SEMA5A: variants seen among roughly 807,000 people sequenced by gnomAD.
The protein encoded by SEMA5A is semaphorin 5A.
Under a neutral mutation model 135.5 loss-of-function variants are expected in SEMA5A, and 55 were observed. That is an observed-to-expected ratio of 0.41 (90% confidence interval 0.33 to 0.51). SEMA5A has a LOEUF of 0.51. SEMA5A is among the 20% of genes least tolerant of loss of function. The pLI is 0.37. For missense variants in SEMA5A, 1,290 were observed against 1,419.9 expected (o/e 0.91, Z 1.47); for synonymous variants, 580 against 546.5 (o/e 1.06, Z -0.85).
Position 9,362,151 on chromosome 5 carries a change from T to C in SEMA5A, c.124+17672A>G, listed in dbSNP as rs935494678. On this transcript the variant is annotated intron_variant, in intron 3 of 22. Transcript: ENST00000382496. ...TCCTTTTGCAGGTAGAACAGCTCAC[T>C]GTAGCTTCCGGATTCAGTTTCTGGC... 2.0e-5 allele frequency among the ~76,000 whole-genome samples: 3 copies of C among 152,136 alleles called. No individual in the cohort carries two copies. The South Asian group carries it at 6.2e-4, about 32-fold the overall frequency.
At position 9,341,380 on chromosome 5, in the gene SEMA5A, T is replaced by C. The variant is rs374153050; in HGVS notation, c.125-3568A>G. ...GTCATCAATACTGCTTTCTAAGGAA[T>C]CAGAAAATGAACAGTTTTGGAAATA... On this transcript the variant is annotated intron_variant, in intron 3 of 22. Coordinates refer to ENST00000382496, the MANE Select transcript of SEMA5A (RefSeq NM_003966.3). Among the ~76,000 whole-genome samples the C allele has an allele frequency of 7.2e-5, 11 of 151,958 alleles. No homozygotes were observed. The East Asian group carries it at 1.2e-3, about 16-fold the overall frequency.
intron 1 of SEMA5A, among the ~76,000 whole-genome samples, chr5:9,482,820 A>G (rs1759926442): frequency 1.3e-5 from 2 of 152,210 alleles, no homozygotes; most frequent in Non-Finnish European, 2.9e-5. Context: ...TTCTTTTGAC[A>G]GGCGATTTGT....
At chr5:9,147,724 C>CAAAA (rs59966819) in intron 12 of SEMA5A, among the ~76,000 whole-genome samples, 8 of 102,488 alleles carry the variant, frequency 7.8e-5, no homozygotes, top group Non-Finnish European at 1.3e-4. Flanking sequence ...TAAAACAAAC[C>CAAAA]AAAAAAAAAA....
intron 5 of SEMA5A, among the ~76,000 whole-genome samples, chr5:9,297,457 T>C (rs1020221925): frequency 2.6e-5 from 4 of 152,198 alleles, no homozygotes; most frequent in Non-Finnish European, 4.4e-5. Flanking sequence ...AGTCGCCACT[T>C]CCACTATGTG....
At chr5:9,450,147 C>T (rs961069122) in intron 1 of SEMA5A, among the ~76,000 whole-genome samples, 3 of 152,244 alleles carry the variant, frequency 2.0e-5, no homozygotes, top group Non-Finnish European at 2.9e-5. Flanking sequence ...CCCCTTGGGG[C>T]GGCTGTCTCC....
chr5:9,236,867 C>T (rs543501361), intron 6 of SEMA5A, among the ~76,000 whole-genome samples: 1 of 152,182 alleles, frequency 6.6e-6, no homozygotes, highest in East Asian at 1.9e-4. Flanking sequence ...CAGTGTCTGA[C>T]TCCCACAGCG....
chr5:9,263,662 G>A (rs1459421949), intron 5 of SEMA5A, among the ~76,000 whole-genome samples: 1 of 152,166 alleles, frequency 6.6e-6, no homozygotes. Flanking sequence ...TTAGGTTCTT[G>A]CAAAAGAAAG....
Position 9,113,761 on chromosome 5 carries a change from T to TAC in SEMA5A, c.1925+5235_1925+5236dup, listed in dbSNP as rs1255556033. On this transcript the variant is annotated intron_variant, in intron 15 of 22. Coordinates refer to ENST00000382496, the MANE Select transcript of SEMA5A (RefSeq NM_003966.3). ...AAAACCACAATGAGATACCAGTTCA[T>TAC]ACCTACTAGGATGGATAAAATTAAG... Among the ~76,000 whole-genome samples the TAC allele has an allele frequency of 2.0e-5, 3 of 152,274 alleles. No homozygotes were observed. In the East Asian group the frequency reaches 5.8e-4, roughly 29 times the overall value.
intron 4 of SEMA5A, among the ~76,000 whole-genome samples, chr5:9,334,093 C>A (rs545946157): frequency 2.0e-5 from 3 of 152,106 alleles, no homozygotes; most frequent in African/African-American, 7.2e-5. Flanking sequence ...TGCAGCCTAA[C>A]GAACTTCCTT....
intron 1 of SEMA5A, among the ~76,000 whole-genome samples, chr5:9,516,078 C>A (rs1417408500): frequency 6.6e-6 from 1 of 152,304 alleles, no homozygotes; most frequent in South Asian, 2.1e-4. Flanking sequence ...TTTAACTGAA[C>A]AAATTTACTG....
chr5:9,172,660 C>T (rs952122624), intron 11 of SEMA5A, among the ~76,000 whole-genome samples: 11 of 152,140 alleles, frequency 7.2e-5, no homozygotes, highest in African/African-American at 2.7e-4. Context: ...GTGTAGAAAT[C>T]AAATTCTACC....
At chr5:9,195,015 T>A (rs574183556) in intron 10 of SEMA5A, among the ~76,000 whole-genome samples, 1 of 152,218 alleles carries the variant, frequency 6.6e-6, no homozygotes, top group Non-Finnish European at 1.5e-5. Flanking sequence ...CATCACTGTA[T>A]GGAAAATACA....
chr5:9,145,529 T>G (rs1027898487), intron 12 of SEMA5A, among the ~76,000 whole-genome samples: 2 of 152,060 alleles, frequency 1.3e-5, no homozygotes, highest in Non-Finnish European at 2.9e-5. Context: ...GGTGCAGGGG[T>G]CTGGAGCCAA....
chr5:9,055,529 A>C (rs1198245492), intron 18 of SEMA5A, among the ~76,000 whole-genome samples: 1 of 152,242 alleles, frequency 6.6e-6, no homozygotes, highest in Non-Finnish European at 1.5e-5. Context: ...TATGCCTGTC[A>C]TGATGTATTA....
At chr5:9,472,451 G>A (rs1318508917) in intron 1 of SEMA5A, among the ~76,000 whole-genome samples, 1 of 152,198 alleles carries the variant, frequency 6.6e-6, no homozygotes, top group Non-Finnish European at 1.5e-5. Flanking sequence ...TGTGTTGAAA[G>A]GACAGAGTTA....
intron 5 of SEMA5A, chr5:9,265,485 T>C (rs1455716819): frequency 1.5e-5 from 7 of 456,272 alleles, no homozygotes; most frequent in Admixed American, 1.4e-4. Context: ...GTTCAACTCT[T>C]CTGCCGCGGG....
chr5:9,245,063 T>C (rs969624210), intron 5 of SEMA5A, among the ~76,000 whole-genome samples: 2 of 152,206 alleles, frequency 1.3e-5, no homozygotes, highest in African/African-American at 4.8e-5. Context: ...GCAGTTTTAC[T>C]TCTTGATACC....
At chr5:9,190,622 T>A in intron 10 of SEMA5A, 151 bp from the exon 11 acceptor site, 1 of 681,596 alleles carries the variant, frequency 1.5e-6, no homozygotes, top group Non-Finnish European at 2.6e-6. Context: ...CCATCCTCCC[T>A]GCAGCCCCTA....
chr5:9,529,541 A>G (rs188584173), intron 1 of SEMA5A, among the ~76,000 whole-genome samples: 12 of 152,314 alleles, frequency 7.9e-5, no homozygotes, highest in Middle Eastern at 3.4e-3. Flanking sequence ...AAAATAAAAC[A>G]TGTAATCTTC....
Sources: gnomAD v4.1 joint callset for allele counts (sites outside exome capture counted in the v4.1 genomes callset) on GRCh38, gnomAD v4.1.1 for gene constraint, MANE v1.5 for transcripts, NCBI Gene and HGNC (gene_info 2026-07-23, HGNC 2026-07-21) for gene names.